DPF3: variants seen among roughly 807,000 people sequenced by gnomAD.
The protein encoded by DPF3 is zinc finger protein DPF3.
A neutral mutation model predicts 56.8 loss-of-function variants in DPF3; 18 were observed. That is an observed-to-expected ratio of 0.32 (90% confidence interval 0.22 to 0.47). The LOEUF (loss-of-function observed/expected upper bound fraction) is 0.47. Ranked by LOEUF, DPF3 falls within the 20% of genes least tolerant of loss-of-function variation. DPF3 has a pLI of 1.00. For missense variants in DPF3, 403 were observed against 488.8 expected (o/e 0.82, Z 1.65); for synonymous variants, 188 against 180.2 (o/e 1.04, Z -0.35).
intron 1 of DPF3, among the ~76,000 whole-genome samples, chr14:72,800,377 A>G (rs939447087): frequency 5.5e-5 from 1 of 18,050 alleles, no homozygotes; most frequent in African/African-American, 6.2e-5. Flanking sequence ...TAAATAGATA[A>G]ATGGATGGAT....
At chr14:72,781,473 C>T (rs1281248618) in intron 1 of DPF3, among the ~76,000 whole-genome samples, 1 of 152,198 alleles carries the variant, frequency 6.6e-6, no homozygotes, top group African/African-American at 2.4e-5. Flanking sequence ...GATGTTCAGG[C>T]CCAGTAGACC....
intron 2 of DPF3, among the ~76,000 whole-genome samples, chr14:72,768,935 G>GTGTGTGTC (rs1236253228): frequency 5.8e-4 from 11 of 19,080 alleles, no homozygotes; most frequent in African/African-American, 2.0e-3. Context: ...GTGAGTGTCT[G>GTGTGTGTC]TGTGTGTGTG....
chr14:72,674,217 G>A, intron 8 of DPF3, 23 bp downstream of exon 8: 1 of 1,607,068 alleles, frequency 6.2e-7, no homozygotes, highest in Non-Finnish European at 8.5e-7. Flanking sequence ...CGGGCACCCG[G>A]TGTGGGAAGG....
intron 6 of DPF3, 77 bp downstream of exon 6, chr14:72,714,346 C>T: frequency 6.3e-7 from 1 of 1,575,662 alleles, no homozygotes; most frequent in African/African-American, 1.3e-5. Context: ...AGGCGGATGG[C>T]CAAGGAAGCA....
Position 72,724,517 on chromosome 14 carries a change from T to C in DPF3, c.430-789A>G, listed in dbSNP as rs564786300. On this transcript the variant is annotated intron_variant, in intron 4 of 10. Transcript: ENST00000556509. Reference sequence around the variant, plus strand: ...TGAGAATTCCAGATGTAATCTGGCATACTCTCCATGTAGGGGCCTAAGCAC... The same window carrying C: ...TGAGAATTCCAGATGTAATCTGGCACACTCTCCATGTAGGGGCCTAAGCAC... Among the ~76,000 whole-genome samples, 6 of 152,154 alleles carry C rather than the reference T, an allele frequency of 3.9e-5. No individual in the cohort carries two copies. In the South Asian group the frequency reaches 1.2e-3, roughly 32 times the overall value.
intron 1 of DPF3, among the ~76,000 whole-genome samples, chr14:72,818,060 A>G (rs1052297077): frequency 2.0e-5 from 3 of 152,112 alleles, no homozygotes; most frequent in Non-Finnish European, 2.9e-5. Flanking sequence ...AGCCTGGCCA[A>G]CATGGTGAAA....
chr14:72,891,451 C>T (rs1219925768), intron 1 of DPF3, among the ~76,000 whole-genome samples: 1 of 152,120 alleles, frequency 6.6e-6, no homozygotes, highest in African/African-American at 2.4e-5. Context: ...CCCGCTACCC[C>T]TCCTCCCTGC....
chr14:72,839,016 G>A (rs1411451677), intron 1 of DPF3, among the ~76,000 whole-genome samples: 25 of 143,458 alleles, frequency 1.7e-4, no homozygotes, highest in Non-Finnish European at 4.5e-5. Context: ...TGCCTCCCGG[G>A]CTCAAGCAAT....
intron 1 of DPF3, among the ~76,000 whole-genome samples, chr14:72,821,222 T>A (rs8015900): frequency 0.2 from 29,830 of 151,680 alleles, 3,270 homozygotes; most frequent in Middle Eastern, 0.4. Flanking sequence ...AGGCAGAGTC[T>A]GCAGTGAGCT....
Position 72,624,333 on chromosome 14 carries a change from C to CTTTTTTTTTTTTTTTT in DPF3, c.985-4365_985-4350dup, listed in dbSNP as rs55820708. 1.3e-4 allele frequency among the ~76,000 whole-genome samples: 13 copies of CTTTTTTTTTTTTTTTT among 97,796 alleles called. 1 individual carries two copies. Among genetic ancestry groups the CTTTTTTTTTTTTTTTT allele is most frequent in the African/African-American group, 5.0e-4 (13 of 25,812 alleles). 64.2% of individuals were successfully genotyped at this position (97,796 alleles called of 152,430 possible). On this transcript the variant is annotated intron_variant, in intron 9 of 10. Coordinates refer to ENST00000556509, the MANE Select transcript of DPF3 (RefSeq NM_001280542.3). Reference sequence around the variant, plus strand: ...TTCTCCAGTTTTCCCACCTATGTCTCTTTTTTTTTTTTTTTTTTTTTCTGA... The same window carrying CTTTTTTTTTTTTTTTT: ...TTCTCCAGTTTTCCCACCTATGTCTCTTTTTTTTTTTTTTTTTTTTTTTTTTTTTTTTTTTTTCTGA...
At chr14:72,874,021 A>G (rs1886009010) in intron 1 of DPF3, among the ~76,000 whole-genome samples, 1 of 151,566 alleles carries the variant, frequency 6.6e-6, no homozygotes, top group Admixed American at 6.6e-5. Context: ...ATGTATATAT[A>G]TGTAACAAAC....
In DPF3 at chr14:72,771,101, G is replaced by A. The variant is rs541216014; in HGVS notation, c.193+632C>T. 1.8e-4 allele frequency among the ~76,000 whole-genome samples: 28 copies of A among 151,940 alleles called. No homozygotes were observed. The East Asian group carries it at 1.9e-3, about 11-fold the overall frequency. ...TGAAGCATGAGAATCACTTGAACCCGGGAGGCGGTGAGTCGAGATCGCACC... is the reference window on the plus strand; with the variant it reads ...TGAAGCATGAGAATCACTTGAACCCAGGAGGCGGTGAGTCGAGATCGCACC... On this transcript the variant is annotated intron_variant, in intron 2 of 10. Coordinates refer to ENST00000556509, the MANE Select transcript of DPF3 (RefSeq NM_001280542.3).
intron 1 of DPF3, chr14:72,806,207 C>T (rs1990443): frequency 0.24 from 36,430 of 152,234 alleles, 4,650 homozygotes; most frequent in Middle Eastern, 0.34. Context: ...CAGCTCTTAG[C>T]CATCCTTCCT....
rs1356034164 is a variant in DPF3, at chr14:72,613,333, C to T, written c.*5964G>A. ...TGCCAGCCTACAGGGCCATTTTGCT[C>T]AATGCCTGGGCTAGAGGTCATGATA... On this transcript the variant is annotated 3_prime_UTR_variant, in exon 11 of 11. Transcript: ENST00000556509. 6.6e-6 allele frequency among the ~76,000 whole-genome samples: 1 copy of T among 152,168 alleles called. No individual in the cohort carries two copies. Among genetic ancestry groups the T allele is most frequent in the Non-Finnish European group, 1.5e-5 (1 of 68,038 alleles).
At position 72,614,996 on chromosome 14, in the gene DPF3, TG is replaced by T. The variant is rs1285560332; in HGVS notation, c.*4300del. On this transcript the variant is annotated 3_prime_UTR_variant, in exon 11 of 11. Coordinates refer to ENST00000556509, the MANE Select transcript of DPF3 (RefSeq NM_001280542.3). ...GCTAAAAGGGACACCAAGTCACCAC[TG>T]CTACCAGGAGCCAGGCCTGGGACTT... Among the ~76,000 whole-genome samples the T allele has an allele frequency of 7.1e-6, 1 of 140,912 alleles. No individual in the cohort carries two copies. Among genetic ancestry groups the T allele is most frequent in the African/African-American group, 2.6e-5 (1 of 38,042 alleles). The allele number at this position is 140,912 out of a possible 152,430, so 92.4% of individuals were successfully genotyped here.
chr14:72,670,473 G>T (rs781779697), intron 8 of DPF3: 47 of 985,896 alleles, frequency 4.8e-5, no homozygotes, highest in Non-Finnish European at 5.5e-5. Flanking sequence ...AAGCAGAGAG[G>T]AAGATGGAAA....
chr14:72,807,432 A>G (rs896707241), intron 1 of DPF3, among the ~76,000 whole-genome samples: 2 of 152,204 alleles, frequency 1.3e-5, no homozygotes, highest in African/African-American at 4.8e-5. Context: ...AAGGCCTGTG[A>G]TGATACTGAC....
Position 72,619,245 on chromosome 14 carries a change from G to A in DPF3, c.*52C>T, listed in dbSNP as rs1884270550. On this transcript the variant is annotated 3_prime_UTR_variant, in exon 11 of 11. Coordinates refer to ENST00000556509, the MANE Select transcript of DPF3 (RefSeq NM_001280542.3). ...AGGAGGGCGCGTTCTGGTTTGAACT[G>A]GGCTCTGCTTTAGGATCTCCAGCAG... The A allele has an allele frequency of 3.9e-6, 6 of 1,520,728 alleles. No homozygotes were observed. Among genetic ancestry groups the A allele is most frequent in the Non-Finnish European group, 5.3e-6 (6 of 1,134,622 alleles). 94.2% of individuals were successfully genotyped at this position (1,520,728 alleles called of 1,614,324 possible).
chr14:72,706,205 T>C (rs1422912802), intron 6 of DPF3, among the ~76,000 whole-genome samples: 1 of 152,136 alleles, frequency 6.6e-6, no homozygotes, highest in Non-Finnish European at 1.5e-5. Flanking sequence ...CCCCTACCCC[T>C]GGGCACACCC....
Sources: gnomAD v4.1 joint callset for allele counts (sites outside exome capture counted in the v4.1 genomes callset) on GRCh38, gnomAD v4.1.1 for gene constraint, MANE v1.5 for transcripts, NCBI Gene and HGNC (gene_info 2026-07-23, HGNC 2026-07-21) for gene names.